Variants in RGS9 observed in about 807,000 individuals in gnomAD.
RGS9 encodes regulator of G-protein signalling 9.
A neutral mutation model predicts 102.0 loss-of-function variants in RGS9; 78 were observed. The observed-to-expected ratio is 0.76, with a 90% CI of 0.64 to 0.92. The LOEUF is 0.92. RGS9 is among the 40% of genes least tolerant of loss of function. RGS9 has a pLI of 0.00. For synonymous variants in RGS9, 353 were observed against 318.6 expected, an observed-to-expected ratio of 1.11 and a Z score of -1.15; for missense variants, 833 against 866.1, an observed-to-expected ratio of 0.96 and a Z score of 0.48.
intron 17 of RGS9, among the ~76,000 whole-genome samples, chr17:65,217,297 T>C (rs57411829): frequency 0.028 from 4,324 of 152,324 alleles, 212 homozygotes; most frequent in African/African-American, 0.097. Flanking sequence ...TCCCCTGCTG[T>C]GGACCTGGGA....
chr17:65,172,774 T>G (rs1171356453), intron 8 of RGS9, among the ~76,000 whole-genome samples: 2 of 152,096 alleles, frequency 1.3e-5, no homozygotes, highest in African/African-American at 4.8e-5. Flanking sequence ...GCAGGGGCTC[T>G]GCGTCCGGTT....
chr17:65,155,998 C>G (rs1369905976), intron 2 of RGS9, among the ~76,000 whole-genome samples: 1 of 152,032 alleles, frequency 6.6e-6, no homozygotes, highest in Non-Finnish European at 1.5e-5. Flanking sequence ...CAATGTGACT[C>G]CAGAGTCCAT....
rs1225052802 is a variant in RGS9, at chr17:65,225,254, AC to A, written c.1662del (p.Glu555ArgfsTer32). 6.2e-7 allele frequency: 1 copy of A among 1,609,188 alleles called. No individual in the cohort carries two copies. The highest frequency in any genetic ancestry group is 1.1e-5 in the South Asian group (1 of 91,034). On this transcript the variant is annotated frameshift_variant, in exon 18 of 19. Coordinates refer to ENST00000262406, the MANE Select transcript of RGS9 (RefSeq NM_003835.4). LOFTEE classifies it high-confidence loss of function. ...GSMAPRGPSV[T>X]ESSEASLDTS... Reference sequence around the variant, plus strand: ...CATGGCCCCCCGTGGGCCCTCTGTCACCGAGAGCAGCGAGGCCTCCCTCGAC... The same window carrying A: ...CATGGCCCCCCGTGGGCCCTCTGTCACGAGAGCAGCGAGGCCTCCCTCGAC...
chr17:65,197,765 G>C (rs1202873173), intron 13 of RGS9, among the ~76,000 whole-genome samples: 1 of 151,718 alleles, frequency 6.6e-6, no homozygotes, highest in Non-Finnish European at 1.5e-5. Context: ...CGCCTCCCTA[G>C]TTCAAGCGAT....
At chr17:65,168,458 C>T (rs1245418689) in intron 8 of RGS9, among the ~76,000 whole-genome samples, 177 bp downstream of exon 8, 3 of 151,508 alleles carry the variant, frequency 2.0e-5, no homozygotes, top group Non-Finnish European at 4.4e-5. Flanking sequence ...AGGAAGTTCT[C>T]TGCCTGGATG....
chr17:65,198,165 T>C (rs1912668304), intron 13 of RGS9, among the ~76,000 whole-genome samples: 1 of 152,198 alleles, frequency 6.6e-6, no homozygotes, highest in Admixed American at 6.5e-5. Context: ...TGGCCTGATT[T>C]CTTCAGGGCC....
intron 13 of RGS9, among the ~76,000 whole-genome samples, chr17:65,197,570 C>G (rs942946748): frequency 3.3e-5 from 5 of 152,176 alleles, no homozygotes; most frequent in African/African-American, 1.2e-4. Context: ...TAGTCAGCCT[C>G]TAAATATAAT....
intron 3 of RGS9, chr17:65,158,899 G>A (rs1270945977): frequency 2.5e-5 from 6 of 240,386 alleles, no homozygotes; most frequent in Admixed American, 1.0e-4. Context: ...GCCTCGCAGT[G>A]TCAGGCCTCT....
chr17:65,167,875 C>T (rs1251138204), intron 7 of RGS9, among the ~76,000 whole-genome samples: 1 of 152,172 alleles, frequency 6.6e-6, no homozygotes, highest in East Asian at 1.9e-4. Context: ...GTGCAAGTGC[C>T]ACTTCTGCCA....
At chr17:65,222,308 G>T (rs1913729436) in intron 17 of RGS9, among the ~76,000 whole-genome samples, 1 of 152,176 alleles carries the variant, frequency 6.6e-6, no homozygotes, top group African/African-American at 2.4e-5. Flanking sequence ...GATGGAAAGG[G>T]CTCCTGTGAC....
Position 65,202,076 on chromosome 17 carries a change from T to C in RGS9, c.1060T>C (p.Tyr354His), listed in dbSNP as rs1598611891. 6.2e-7 allele frequency: 1 copy of C among 1,610,954 alleles called. No homozygotes were observed. Among genetic ancestry groups the C allele is most frequent in the East Asian group, 2.2e-5 (1 of 44,826 alleles). ...SKVKEKAEEIYKLFLAPGARR... is the reference protein window; with the variant it reads ...SKVKEKAEEIHKLFLAPGARR... ...AGTCAAGGAGAAAGCAGAGGAGATT[T>C]ACAAGTGAGCATCAGCCAGGGTGCT... Residue 354 changes from tyrosine to histidine, a missense_variant, in exon 14 of 19, where the codon TAC becomes CAC. By Grantham distance (83) the Tyr-to-His change is moderately conservative. This residue lies in a region of RGS9 where 185 missense variants were observed against 248.7 expected (regional missense o/e 0.74). Transcript: ENST00000262406.
chr17:65,217,642 T>A (rs1452847501), intron 17 of RGS9, among the ~76,000 whole-genome samples: 4 of 152,128 alleles, frequency 2.6e-5, no homozygotes, highest in Non-Finnish European at 5.9e-5. Flanking sequence ...GTAACTTAGA[T>A]AATGGAGGGT....
intron 1 of RGS9, among the ~76,000 whole-genome samples, chr17:65,141,309 C>T (rs572180611): frequency 1.3e-5 from 2 of 152,278 alleles, no homozygotes; most frequent in African/African-American, 4.8e-5. Flanking sequence ...TGGGGATGGC[C>T]CATTCCCCTC....
chr17:65,143,793 CAA>C (rs61423689), intron 1 of RGS9, among the ~76,000 whole-genome samples: 13,636 of 96,902 alleles, frequency 0.14, 2,029 homozygotes, highest in African/African-American at 0.36. Flanking sequence ...GACTCTGTCT[CAA>C]AAAAAAAAAA....
intron 17 of RGS9, among the ~76,000 whole-genome samples, chr17:65,218,248 G>A (rs529856792): frequency 1.3e-5 from 2 of 152,350 alleles, no homozygotes; most frequent in South Asian, 4.1e-4. Context: ...AATGGGAAAT[G>A]CTGTGGGATG....
At chr17:65,194,054 A>G (rs543735647) in intron 12 of RGS9, among the ~76,000 whole-genome samples, 1 of 152,310 alleles carries the variant, frequency 6.6e-6, no homozygotes, top group Admixed American at 6.5e-5. Context: ...TAAGTATGTC[A>G]CTAAATCGAT....
intron 1 of RGS9, among the ~76,000 whole-genome samples, chr17:65,140,902 C>T (rs1910132370): frequency 1.3e-5 from 2 of 151,642 alleles, no homozygotes; most frequent in South Asian, 4.2e-4. Context: ...AAAAAAAGGA[C>T]CACTGGTGTG....
At chr17:65,168,875 C>G (rs980494569) in intron 8 of RGS9, among the ~76,000 whole-genome samples, 3 of 152,134 alleles carry the variant, frequency 2.0e-5, no homozygotes, top group African/African-American at 7.2e-5. Context: ...TAACTTGCCC[C>G]AGCTCATCAC....
chr17:65,202,721 G>T, intron 14 of RGS9, among the ~76,000 whole-genome samples: 1 of 152,134 alleles, frequency 6.6e-6, no homozygotes. Flanking sequence ...AGAGTTCCAG[G>T]TTAAAAGGGT....
Sources: gnomAD v4.1 joint callset for allele counts (sites outside exome capture counted in the v4.1 genomes callset) on GRCh38, gnomAD v4.1.1 for gene constraint, gnomAD v4.1.1 regional missense constraint, MANE v1.5 for transcripts, NCBI Gene and HGNC (gene_info 2026-07-23, HGNC 2026-07-21) for gene names.